Variants in PHF21B observed in about 807,000 individuals in gnomAD.
PHF21B encodes PHD finger protein 21B.
PHF21B carries 22 observed loss-of-function variants against 62.2 expected under a neutral mutation model. The ratio of observed to expected loss-of-function variants is 0.35; its 90% CI spans 0.25 to 0.51. The LOEUF (loss-of-function observed/expected upper bound fraction) is 0.51, where lower values mean the gene tolerates loss of function less well. Among genes scored for constraint, PHF21B ranks in the 20% least tolerant of loss-of-function variants. PHF21B has a pLI of 0.97. For synonymous variants in PHF21B, 341 were observed against 314.7 expected, an observed-to-expected ratio of 1.08 and a Z score of -0.88; for missense variants, 701 against 707.9, an observed-to-expected ratio of 0.99 and a Z score of 0.11.
chr22:44,984,139 A>C, intron 2 of PHF21B, among the ~76,000 whole-genome samples: 1 of 150,268 alleles, frequency 6.7e-6, no homozygotes, highest in Non-Finnish European at 1.5e-5. Flanking sequence ...CATCATGATC[A>C]CCATCATCAT....
At chr22:44,949,856 C>T (rs1230606402) in intron 2 of PHF21B, among the ~76,000 whole-genome samples, 4 of 150,982 alleles carry the variant, frequency 2.6e-5, no homozygotes, top group South Asian at 2.1e-4. Context: ...GTGATTTTTT[C>T]GGCACCGCTG....
intron 2 of PHF21B, among the ~76,000 whole-genome samples, chr22:45,006,711 G>A (rs1229847931): frequency 1.3e-5 from 2 of 152,044 alleles, no homozygotes; most frequent in Non-Finnish European, 2.9e-5. Flanking sequence ...TCCAAGAAAA[G>A]CTCCTAGGTT....
chr22:44,901,302 T>C (rs2071154604), intron 5 of PHF21B, among the ~76,000 whole-genome samples: 2 of 152,202 alleles, frequency 1.3e-5, no homozygotes, highest in African/African-American at 2.4e-5. Flanking sequence ...GGGAGAACAC[T>C]GGGAATGTGG....
At position 45,009,132 on chromosome 22, in the gene PHF21B, G is replaced by A. The variant is rs2073379927; in HGVS notation, c.54+364C>T. On this transcript the variant is annotated intron_variant, in intron 1 of 12. Coordinates refer to ENST00000313237, the MANE Select transcript of PHF21B (RefSeq NM_138415.5). The surrounding 1 kb of genome is among the most constrained non-coding windows in gnomAD (Gnocchi z 5.9). ...CACCGGGCAGGTTCGCCCGGGGCGC[G>A]GGGGCCCGAGGGGAGGCCGGAAGGG... The A allele has an allele frequency of 2.9e-6, 2 of 690,100 alleles. No homozygotes were observed. Among genetic ancestry groups the A allele is most frequent in the African/African-American group, 1.9e-5 (1 of 53,126 alleles). 42.7% of individuals were successfully genotyped at this position (690,100 alleles called of 1,614,324 possible).
chr22:44,941,265 A>C (rs129447), intron 2 of PHF21B, among the ~76,000 whole-genome samples: 138,415 of 152,226 alleles, frequency 0.91, 63,317 homozygotes, highest in East Asian at 0.96. Context: ...CCAGAGGTCC[A>C]CGCAGTGCTA....
chr22:44,938,792 G>A (rs1022503971), intron 2 of PHF21B, among the ~76,000 whole-genome samples: 1 of 152,226 alleles, frequency 6.6e-6, no homozygotes, highest in African/African-American at 2.4e-5. Flanking sequence ...ATCAGGAACA[G>A]GTTCTGGGTG....
intron 2 of PHF21B, among the ~76,000 whole-genome samples, chr22:44,991,478 C>T (rs2073041704): frequency 1.3e-5 from 2 of 152,034 alleles, no homozygotes; most frequent in Admixed American, 6.5e-5. Flanking sequence ...GCGTCCTCCC[C>T]CAGGGAAGGA....
At chr22:44,893,998 A>T (rs1475011987) in intron 6 of PHF21B, among the ~76,000 whole-genome samples, 3 of 152,200 alleles carry the variant, frequency 2.0e-5, no homozygotes, top group Non-Finnish European at 4.4e-5. Context: ...AATCCTTCGC[A>T]TGCGAGCGAG....
intron 2 of PHF21B, among the ~76,000 whole-genome samples, chr22:44,943,052 TG>T (rs1486929790): frequency 2.1e-5 from 3 of 142,544 alleles, no homozygotes; most frequent in Non-Finnish European, 4.5e-5. Flanking sequence ...ACAAAGTAGA[TG>T]GAAGATCCGG....
At chr22:44,975,902 C>G (rs781286795) in intron 2 of PHF21B, among the ~76,000 whole-genome samples, 3 of 152,268 alleles carry the variant, frequency 2.0e-5, no homozygotes, top group Non-Finnish European at 4.4e-5. Context: ...CACAGTGGCT[C>G]ACGCCTGTAA....
In PHF21B at chr22:44,881,658, C is replaced by T. The variant is rs1163361430; in HGVS notation, c.*1428G>A. 1.3e-5 allele frequency: 2 copies of T among 152,728 alleles called. No individual in the cohort carries two copies. The highest frequency in any genetic ancestry group is 2.4e-5 in the African/African-American group (1 of 41,478). 9.5% of individuals were successfully genotyped at this position (152,728 alleles called of 1,614,324 possible). A position where few individuals can be genotyped will look rare whatever the true frequency, so the allele number is the denominator to read the frequency against. ...TTGCCGGCCTCCTCGCTCTGCACCT[C>T]TGCGTGTGTGCATGCGTGTCTGTGG... is the stretch of plus-strand genomic sequence containing the variant. On this transcript the variant is annotated 3_prime_UTR_variant, in exon 13 of 13. Transcript: ENST00000313237.
intron 2 of PHF21B, among the ~76,000 whole-genome samples, chr22:45,007,830 C>T (rs1044365684): frequency 6.6e-6 from 1 of 151,200 alleles, no homozygotes; most frequent in East Asian, 2.0e-4. Flanking sequence ...GGCATCTGTT[C>T]GTGGTGCTGA....
intron 2 of PHF21B, among the ~76,000 whole-genome samples, chr22:44,949,849 A>T (rs867402255): frequency 6.6e-6 from 1 of 152,016 alleles, no homozygotes; most frequent in Non-Finnish European, 1.5e-5. Context: ...AGTTCAGGTG[A>T]TTTTTTCGGC....
chr22:44,981,428 G>A (rs1237327057), intron 2 of PHF21B, among the ~76,000 whole-genome samples: 11 of 152,216 alleles, frequency 7.2e-5, no homozygotes, highest in African/African-American at 2.4e-4. Context: ...ATCTGGCTAT[G>A]GTCTTGAAGG....
intron 2 of PHF21B, among the ~76,000 whole-genome samples, chr22:44,957,634 C>T (rs1479217706): frequency 6.6e-6 from 1 of 152,104 alleles, no homozygotes; most frequent in African/African-American, 2.4e-5. Context: ...TCCTAAGTTC[C>T]CTGATAGAAT....
chr22:44,915,618 G>A (rs1358030041), intron 4 of PHF21B, among the ~76,000 whole-genome samples: 3 of 152,304 alleles, frequency 2.0e-5, no homozygotes, highest in Non-Finnish European at 2.9e-5. Flanking sequence ...CATGAGGGTC[G>A]GCCGTCAACA....
intron 5 of PHF21B, among the ~76,000 whole-genome samples, chr22:44,905,287 G>C (rs1389080062): frequency 6.6e-6 from 1 of 152,176 alleles, no homozygotes; most frequent in Non-Finnish European, 1.5e-5. Context: ...CTATTCAAAA[G>C]CACTAATTAT....
intron 6 of PHF21B, among the ~76,000 whole-genome samples, chr22:44,894,533 C>T (rs2071023317): frequency 6.6e-6 from 1 of 152,158 alleles, no homozygotes; most frequent in African/African-American, 2.4e-5. Context: ...TAAATCAATC[C>T]CAAAGGCAAG....
chr22:44,885,584 C>T (rs953079361), intron 11 of PHF21B, 55 bp from the exon 12 acceptor site: 29 of 1,502,056 alleles, frequency 1.9e-5, no homozygotes, highest in Middle Eastern at 1.8e-4. Context: ...GCGGCTGGGT[C>T]GTAGAGTAAA....
Sources: gnomAD v4.1 joint callset for allele counts (sites outside exome capture counted in the v4.1 genomes callset) on GRCh38, gnomAD v4.1.1 for gene constraint, Gnocchi (gnomAD v3.1) non-coding constraint, MANE v1.5 for transcripts, NCBI Gene and HGNC (gene_info 2026-07-23, HGNC 2026-07-21) for gene names.